Variants in SLC47A2 observed in about 807,000 individuals in gnomAD.
The protein encoded by SLC47A2 is solute carrier family 47 member 2.
A neutral mutation model predicts 67.7 loss-of-function variants in SLC47A2; 52 were observed. That is an observed-to-expected ratio of 0.77 (90% CI 0.61 to 0.97). The LOEUF (loss-of-function observed/expected upper bound fraction) is 0.97. Ranked by LOEUF, SLC47A2 falls within the 50% of genes least tolerant of loss-of-function variation. SLC47A2 has a pLI of 0.00. For synonymous variants in SLC47A2, 278 were observed against 292.9 expected (o/e 0.95, Z 0.52); for missense variants, 676 against 712.3 (o/e 0.95, Z 0.58).
At chr17:19,698,884 C>T (rs1355805300) in intron 13 of SLC47A2, among the ~76,000 whole-genome samples, 1 of 152,126 alleles carries the variant, frequency 6.6e-6, no homozygotes, top group Non-Finnish European at 1.5e-5. Context: ...AGCATAGCAA[C>T]TGTTACATAG....
At position 19,706,629 on chromosome 17, in the gene SLC47A2, C is replaced by T. The variant is rs765752999; in HGVS notation, c.841+19G>A. The T allele has an allele frequency of 1.8e-5, 28 of 1,564,486 alleles. No homozygotes were observed. Among genetic ancestry groups the T allele is most frequent in the Non-Finnish European group, 2.0e-5 (23 of 1,159,144 alleles). On this transcript the variant is annotated intron_variant, in intron 9 of 16. Transcript: ENST00000433844. ...GAGCCGCCCACACGCCATTGCGCCC[C>T]CCATCCTCTTCCACGTACCCATGAG...
chr17:19,701,161 C>T (rs1229247994), intron 13 of SLC47A2, among the ~76,000 whole-genome samples: 6 of 132,678 alleles, frequency 4.5e-5, no homozygotes, highest in African/African-American at 1.8e-4. Context: ...GAATGAGACT[C>T]TGTCTCAAAA....
Position 19,681,577 on chromosome 17 carries a change from C to T in SLC47A2, c.1258G>A (p.Gly420Ser), listed in dbSNP as rs200937883. The T allele has an allele frequency of 5.6e-6, 9 of 1,614,144 alleles. No homozygotes were observed. The highest frequency in any genetic ancestry group is 6.8e-6 in the Non-Finnish European group (8 of 1,180,034). Reference sequence around the variant, plus strand: ...CTGACCACAAAGGTCAGAAGGATGCCCAGTGGTAGGCCGATGATGTAATAT... The same window carrying T: ...CTGACCACAAAGGTCAGAAGGATGCTCAGTGGTAGGCCGATGATGTAATAT... ...ITYYIIGLPL[G>S]ILLTFVVRMR... Residue 420 changes from glycine to serine, a missense_variant, in exon 14 of 17, where the codon GGC becomes AGC. Physicochemically the swap from Gly to Ser is moderately conservative, Grantham distance 56. Coordinates refer to ENST00000433844, the MANE Select transcript of SLC47A2 (RefSeq NM_001099646.3).
At chr17:19,713,684 A>T (rs1447440923) in intron 4 of SLC47A2, 141 bp downstream of exon 4, 2 of 1,171,940 alleles carry the variant, frequency 1.7e-6, no homozygotes, top group African/African-American at 3.1e-5. Flanking sequence ...CAAAGCCTGG[A>T]AGGTACCCAC....
chr17:19,681,703 G>A (rs1206968432), intron 13 of SLC47A2, 33 bp from the exon 14 acceptor site: 1 of 1,590,746 alleles, frequency 6.3e-7, no homozygotes, highest in Admixed American at 1.7e-5. Context: ...GCAAGAGTCA[G>A]GATGATGAGA....
chr17:19,707,676 C>A (rs1378930575), intron 8 of SLC47A2, 70 bp downstream of exon 8: 4 of 1,379,924 alleles, frequency 2.9e-6, no homozygotes, highest in Non-Finnish European at 4.0e-6. Context: ...CTGCTGACCA[C>A]CCTGCCCCAA....
chr17:19,706,836 GC>G, intron 8 of SLC47A2, 75 bp from the exon 9 acceptor site: 1 of 1,170,552 alleles, frequency 8.5e-7, no homozygotes. Flanking sequence ...CTGCCAGGAG[GC>G]CCCTAAACCC....
chr17:19,701,460 T>G (rs971969647), intron 13 of SLC47A2, among the ~76,000 whole-genome samples: 2 of 152,246 alleles, frequency 1.3e-5, no homozygotes, highest in Admixed American at 1.3e-4. Context: ...TGTAATGAGT[T>G]GGTAATTATT....
At chr17:19,708,038 A>G (rs1381798173) in intron 7 of SLC47A2, among the ~76,000 whole-genome samples, 195 bp from the exon 8 acceptor site, 1 of 152,200 alleles carries the variant, frequency 6.6e-6, no homozygotes, top group Non-Finnish European at 1.5e-5. Flanking sequence ...AGCCGTGACT[A>G]CAGTGTCCTG....
intron 13 of SLC47A2, 152 bp downstream of exon 13, chr17:19,702,453 A>G (rs1597618922): frequency 1.4e-6 from 2 of 1,443,194 alleles, no homozygotes; most frequent in African/African-American, 1.4e-5. Context: ...GAATGGAACT[A>G]TTATCAGCAA....
At chr17:19,705,317 G>T in intron 10 of SLC47A2, 119 bp downstream of exon 10, 2 of 1,097,618 alleles carry the variant, frequency 1.8e-6, no homozygotes, top group East Asian at 2.7e-5. Flanking sequence ...GGCACGAGAG[G>T]CCCGGGGAGG....
chr17:19,709,429 C>T (rs1431319271), intron 5 of SLC47A2, among the ~76,000 whole-genome samples: 1 of 152,150 alleles, frequency 6.6e-6, no homozygotes, highest in African/African-American at 2.4e-5. Context: ...TGTAGCTCTT[C>T]ACTTATTTTC....
intron 13 of SLC47A2, among the ~76,000 whole-genome samples, chr17:19,682,574 C>T (rs1216530246): frequency 6.6e-6 from 1 of 152,200 alleles, no homozygotes; most frequent in African/African-American, 2.4e-5. Context: ...TCTGACTCTC[C>T]TGCCTCCCTC....
chr17:19,709,307 G>A (rs560586799), intron 5 of SLC47A2, among the ~76,000 whole-genome samples: 15 of 152,354 alleles, frequency 9.8e-5, no homozygotes, highest in African/African-American at 3.1e-4. Context: ...GGGAGTGTAC[G>A]TGGCAGTGTG....
intron 10 of SLC47A2, 68 bp downstream of exon 10, chr17:19,705,366 GCC>G (rs1220303861): frequency 4.6e-5 from 69 of 1,488,640 alleles, no homozygotes; most frequent in South Asian, 1.2e-4. Flanking sequence ...GTGACAGCCT[GCC>G]CCCCTCCTAT....
intron 3 of SLC47A2, 56 bp from the exon 4 acceptor site, chr17:19,714,029 T>TCCCGCTC: frequency 6.4e-7 from 1 of 1,564,172 alleles, no homozygotes; most frequent in Non-Finnish European, 8.7e-7. Context: ...CATTCCTAAA[T>TCCCGCTC]CCCGCGCGGG....
intron 13 of SLC47A2, among the ~76,000 whole-genome samples, chr17:19,688,716 G>A (rs1033976746): frequency 2.6e-5 from 4 of 151,956 alleles, no homozygotes; most frequent in Admixed American, 2.6e-4. Flanking sequence ...TACAAAGCCT[G>A]GCTAATTTTT....
intron 5 of SLC47A2, 138 bp downstream of exon 5, chr17:19,712,565 G>T: frequency 1.3e-6 from 1 of 798,588 alleles, no homozygotes; most frequent in South Asian, 1.6e-5. Context: ...ACTGCAACGG[G>T]AACTTTTGTC....
intron 8 of SLC47A2, among the ~76,000 whole-genome samples, chr17:19,707,309 C>G (rs796436512): frequency 5.9e-5 from 9 of 152,288 alleles, no homozygotes; most frequent in African/African-American, 2.2e-4. Flanking sequence ...CAGGCAGGCC[C>G]CTACACGCCT....
Sources: allele counts gnomAD v4.1 joint callset (sites outside exome capture counted in the v4.1 genomes callset), GRCh38; gene constraint gnomAD v4.1.1; transcripts MANE v1.5; gene names NCBI Gene and HGNC (gene_info 2026-07-23, HGNC 2026-07-21).